Variants in PLEKHA4 observed in about 807,000 individuals in gnomAD.
The protein encoded by PLEKHA4 is pleckstrin homology domain-containing family A member 4.
PLEKHA4 carries 73 observed loss-of-function variants against 94.7 expected under a neutral mutation model. The ratio of observed to expected loss-of-function variants is 0.77; its 90% CI spans 0.64 to 0.94. The LOEUF (loss-of-function observed/expected upper bound fraction) is 0.94, where lower values mean the gene tolerates loss of function less well. Among genes scored for constraint, PLEKHA4 ranks in the 40% least tolerant of loss-of-function variants. PLEKHA4 has a pLI of 0.00. For missense variants in PLEKHA4, 1,049 were observed against 1,054.1 expected (o/e 1.00, Z 0.07); for synonymous variants, 449 against 437.1 (o/e 1.03, Z -0.34).
At position 48,867,546 on chromosome 19, in the gene PLEKHA4, C is replaced by G. The variant is rs752039020; in HGVS notation, c.75G>C (p.Leu25=). Reference sequence around the variant, plus strand: ...GCCAGGAAGCTCAAACCTTGGGGCTCAGGCTGCTGAGCGAGGAGATGGTGG... The same window carrying G: ...GCCAGGAAGCTCAAACCTTGGGGCTGAGGCTGCTGAGCGAGGAGATGGTGG... ...SASTISSLSS[L]SPKKPTRAVN... Residue 25 remains leucine (L), a synonymous_variant, in exon 2 of 20, where the codon CTG becomes CTC. Transcript: ENST00000263265. The surrounding 1 kb of genome is among the most constrained non-coding windows in gnomAD (Gnocchi z 4.7). 4 of 1,597,640 alleles carry G rather than the reference C, an allele frequency of 2.5e-6. No homozygotes were observed. In the Admixed American group the frequency reaches 5.3e-5, roughly 21 times the overall value.
At position 48,841,306 on chromosome 19, in the gene PLEKHA4, G is replaced by A. The variant is rs771948676; in HGVS notation, c.1748C>T (p.Pro583Leu). 1.7e-5 allele frequency: 28 copies of A among 1,606,006 alleles called. No individual in the cohort carries two copies. Among genetic ancestry groups the A allele is most frequent in the East Asian group, 1.3e-4 (6 of 44,752 alleles). ...GGCACTCATCCGGGGCCGGGCCACC[G>A]GGGCCTAGGGAGGCGAGAAACGTCC... ...LPSPQLGTKA[P>L]VARPRMSAQE... The change falls in exon 17 of 20, where the codon CCG becomes CTG. Residue 583 changes from proline (P) to leucine (L), a missense_variant. Coordinates refer to ENST00000263265, the MANE Select transcript of PLEKHA4 (RefSeq NM_020904.3).
At chr19:48,863,169 G>GT (rs756642205) in intron 3 of PLEKHA4, among the ~76,000 whole-genome samples, 2 of 152,164 alleles carry the variant, frequency 1.3e-5, no homozygotes, top group South Asian at 4.1e-4. Flanking sequence ...GTTAGATCAC[G>GT]TGAGTCCCCT....
rs1189009002 is a variant in PLEKHA4, at chr19:48,841,234, G to A, written c.1820C>T (p.Pro607Leu). ...RMRRNQECGR[P>L]FPRPTSPRLL... is the part of the protein sequence containing the mutation. The stretch of plus-strand genomic sequence containing the variant: ...CCGGGGGGAGGTCGGGCGAGGGAAG[G>A]GCCGTCCACATTCCTGGTTTCTGCG... Residue 607 changes from proline to leucine, a missense_variant, in exon 17 of 20, where the codon CCC becomes CTC. Coordinates refer to ENST00000263265, the MANE Select transcript of PLEKHA4 (RefSeq NM_020904.3). 3 of 1,613,616 alleles carry A rather than the reference G, an allele frequency of 1.9e-6. No individual in the cohort carries two copies. Among genetic ancestry groups the A allele is most frequent in the Admixed American group, 1.7e-5 (1 of 59,918 alleles).
intron 18 of PLEKHA4, 110 bp downstream of exon 18, chr19:48,839,095 G>T: frequency 3.2e-6 from 2 of 618,604 alleles, no homozygotes; most frequent in African/African-American, 1.9e-5. Flanking sequence ...TCTCTAGAAG[G>T]GTTGCGATTT....
At position 48,860,851 on chromosome 19, in the gene PLEKHA4, GA is replaced by G. The variant is rs796511323; in HGVS notation, c.367-393del. ...AGAGAAAGAAAGAAAGAGAGAGAGA[GA>G]AAAAAAAAGGAAAGGAAAGGAAAAA... On this transcript the variant is annotated intron_variant, in intron 5 of 19. Coordinates refer to ENST00000263265, the MANE Select transcript of PLEKHA4 (RefSeq NM_020904.3). 7.7e-4 allele frequency among the ~76,000 whole-genome samples: 107 copies of G among 139,288 alleles called. 3 individuals carry two copies. In the East Asian group the frequency reaches 0.016, roughly 21 times the overall value. 91.4% of individuals were successfully genotyped at this position (139,288 alleles called of 152,430 possible). A position where few individuals can be genotyped will look rare whatever the true frequency, so the allele number is the denominator to read the frequency against.
At chr19:48,841,351 C>T in intron 16 of PLEKHA4, 41 bp from the exon 17 acceptor site, 1 of 1,553,640 alleles carries the variant, frequency 6.4e-7, no homozygotes, top group East Asian at 2.3e-5. Context: ...ACCTTTAGGC[C>T]AGGCACAGTG....
rs1409172334 is a variant in PLEKHA4, at chr19:48,841,161, G to A, written c.1893C>T (p.Asp631=). 11 of 1,610,050 alleles carry A rather than the reference G, an allele frequency of 6.8e-6. No homozygotes were observed. The highest frequency in any genetic ancestry group is 8.5e-6 in the Non-Finnish European group (10 of 1,178,366). The change falls in exon 17 of 20, where the codon GAC becomes GAT. Residue 631 remains aspartate (D), a synonymous_variant. Transcript: ENST00000263265. ...CTCCTCCCCTCACCCTTTGCTCCAC[G>A]TCAGGCTGGCGTCTGGCTGGGGACA... is the stretch of plus-strand genomic sequence containing the variant. ...RTLSPARRQP[D]VEQRPVVGHS... is the part of the protein sequence containing the mutation.
chr19:48,861,993 G>A (rs1235107163), intron 3 of PLEKHA4, among the ~76,000 whole-genome samples: 1 of 151,652 alleles, frequency 6.6e-6, no homozygotes, highest in Non-Finnish European at 1.5e-5. Context: ...CAGGTGTGGT[G>A]GCGCGTGCCT....
intron 18 of PLEKHA4, 82 bp downstream of exon 18, chr19:48,839,123 A>G: frequency 1.1e-6 from 1 of 933,448 alleles, no homozygotes; most frequent in Non-Finnish European, 1.6e-6. Flanking sequence ...CATATTCAGG[A>G]GACTTTAATA....
In PLEKHA4 at chr19:48,837,689, C is replaced by T. The variant is rs1002241311; in HGVS notation, c.2078-138G>A. On this transcript the variant is annotated intron_variant, in intron 19 of 19. Coordinates refer to ENST00000263265, the MANE Select transcript of PLEKHA4 (RefSeq NM_020904.3). This position sits in a 1 kb window ranked among gnomAD's most constrained non-coding sequence, Gnocchi z 4.3. ...AGACCCAGGAGTCCAGGCCCCCAGCCCCTCCTCCCTCAGACCCAGGAGTCC... is the reference window on the plus strand; with the variant it reads ...AGACCCAGGAGTCCAGGCCCCCAGCTCCTCCTCCCTCAGACCCAGGAGTCC... 3 of 1,066,614 alleles carry T rather than the reference C, an allele frequency of 2.8e-6. No individual in the cohort carries two copies. The highest frequency in any genetic ancestry group is 3.2e-5 in the African/African-American group (2 of 61,702). The allele number at this position is 1,066,614 out of a possible 1,614,324, so 66.1% of individuals were successfully genotyped here. A position where few individuals can be genotyped will look rare whatever the true frequency, so the allele number is the denominator to read the frequency against.
Position 48,865,498 on chromosome 19 carries a change from C to A in PLEKHA4, c.192+5G>T. On this transcript the variant is annotated splice_donor_5th_base_variant and intron_variant, in intron 3 of 19. Coordinates refer to ENST00000263265, the MANE Select transcript of PLEKHA4 (RefSeq NM_020904.3). ...GTGTCCTTTTCCTTCTCCTACTGAC[C>A]CCACCTGCTTATGAAGCCAGCCTCG... is the stretch of plus-strand genomic sequence containing the variant. The A allele has an allele frequency of 6.2e-7, 1 of 1,611,554 alleles. No homozygotes were observed. Among genetic ancestry groups the A allele is most frequent in the Non-Finnish European group, 8.5e-7 (1 of 1,177,822 alleles).
rs1206835810 is a variant in PLEKHA4 at position 48,852,239 on chromosome 19, C to T, written c.1414G>A (p.Gly472Ser). The T allele has an allele frequency of 1.2e-6, 2 of 1,613,898 alleles. No individual in the cohort carries two copies. The change falls in exon 13 of 20, where the codon GGT becomes AGT. Residue 472 changes from glycine to serine, a missense_variant. Physicochemically the swap from Gly to Ser is moderately conservative, Grantham distance 56 (BLOSUM62 0). Coordinates refer to ENST00000263265, the MANE Select transcript of PLEKHA4 (RefSeq NM_020904.3). ...AAGCAGCGATTTACCTGGGGAGAAC[C>T]AAGGTGCAGCAGGTACTCCAGCGTC... ...RETLEYLLHL[G>S]SPQDRVSAQQ...
At chr19:48,866,619 T>C (rs1166377406) in intron 2 of PLEKHA4, among the ~76,000 whole-genome samples, 3 of 152,116 alleles carry the variant, frequency 2.0e-5, no homozygotes, top group Non-Finnish European at 4.4e-5. Context: ...GACTCTTTTT[T>C]TGATGGGCAG....
At chr19:48,853,240 G>A (rs1012096716) in intron 12 of PLEKHA4, among the ~76,000 whole-genome samples, 4 of 151,946 alleles carry the variant, frequency 2.6e-5, no homozygotes, top group Non-Finnish European at 5.9e-5. Context: ...AATTCTCAGA[G>A]TTACTTAAGG....
At chr19:48,845,475 G>A in intron 15 of PLEKHA4, 29 bp from the exon 16 acceptor site, 1 of 1,613,772 alleles carries the variant, frequency 6.2e-7, no homozygotes, top group South Asian at 1.1e-5. Flanking sequence ...ACTTGGTGAG[G>A]ACGGGAATTT....
In PLEKHA4 at chr19:48,852,270, T is replaced by C. The variant is rs2036226324; in HGVS notation, c.1383A>G (p.Leu461=). ...GCAGCAGGTACTCCAGCGTCTCTCTTAAGGTGCCCAGCTCCTGCTCCAGGC... is the reference window on the plus strand; with the variant it reads ...GCAGCAGGTACTCCAGCGTCTCTCTCAAGGTGCCCAGCTCCTGCTCCAGGC... ...YSGLEQELGT[L]RETLEYLLHL... Residue 461 remains leucine, a synonymous_variant, in exon 13 of 20, where the codon TTA becomes TTG. Transcript: ENST00000263265. 6.2e-7 allele frequency: 1 copy of C among 1,613,950 alleles called. No individual in the cohort carries two copies. Among genetic ancestry groups the C allele is most frequent in the African/African-American group, 1.3e-5 (1 of 74,894 alleles).
At chr19:48,863,861 C>G (rs972191605) in intron 3 of PLEKHA4, among the ~76,000 whole-genome samples, 2 of 152,166 alleles carry the variant, frequency 1.3e-5, no homozygotes, top group African/African-American at 4.8e-5. Context: ...CGTCAGCCAT[C>G]GTGCCCAGCC....
intron 18 of PLEKHA4, 23 bp from the exon 19 acceptor site, chr19:48,838,152 G>T (rs778211746): frequency 1.3e-6 from 2 of 1,513,954 alleles, no homozygotes; most frequent in African/African-American, 1.4e-5. Flanking sequence ...AGAAGATTGG[G>T]GGTGGGGGTG....
intron 18 of PLEKHA4, 61 bp downstream of exon 18, chr19:48,839,144 T>C: frequency 8.5e-7 from 1 of 1,176,574 alleles, no homozygotes; most frequent in Non-Finnish European, 1.2e-6. Flanking sequence ...ATAATGCTAC[T>C]CCCCTTTGCT....
Sources: allele counts gnomAD v4.1 joint callset (sites outside exome capture counted in the v4.1 genomes callset), GRCh38; gene constraint gnomAD v4.1.1; non-coding constraint Gnocchi (gnomAD v3.1); transcripts MANE v1.5; gene names NCBI Gene and HGNC (gene_info 2026-07-23, HGNC 2026-07-21).